The following KTN1 variants were observed in gnomAD, a reference collection of about 807,000 sequenced individuals.
KTN1 encodes the protein kinectin.
Under a neutral mutation model 222.5 loss-of-function variants are expected in KTN1, and 130 were observed. The ratio of observed to expected loss-of-function variants is 0.58; its 90% CI spans 0.51 to 0.68. KTN1 has a LOEUF of 0.68. KTN1 is among the 30% of genes least tolerant of loss of function. The pLI, the probability that KTN1 is intolerant of heterozygous loss-of-function variation, is 0.00. For synonymous variants in KTN1, 512 were observed against 496.3 expected (o/e 1.03, Z -0.42); for missense variants, 1,508 against 1,500.4 (o/e 1.01, Z -0.08).
At chr14:55,641,026 T>C in intron 16 of KTN1, 56 bp downstream of exon 16, 1 of 1,511,654 alleles carries the variant, frequency 6.6e-7, no homozygotes, top group South Asian at 1.1e-5. Context: ...ATTATAATTG[T>C]TGCAGAAAAT....
chr14:55,654,873 C>T (rs756628966), intron 28 of KTN1, among the ~76,000 whole-genome samples: 20 of 152,122 alleles, frequency 1.3e-4, no homozygotes, highest in African/African-American at 3.9e-4. Context: ...CTCCACATCC[C>T]GGCAGCACCC....
In KTN1 at chr14:55,615,038, A is replaced by G. The variant is rs80343699; in HGVS notation, c.524-1479A>G. 2.8e-3 allele frequency among the ~76,000 whole-genome samples: 427 copies of G among 152,340 alleles called. 3 individuals carry two copies. Among genetic ancestry groups the G allele is most frequent in the African/African-American group, 9.8e-3 (407 of 41,580 alleles). On this transcript the variant is annotated intron_variant, in intron 2 of 43. Transcript: ENST00000395314. ...GGGAGTAGATAGCTCATCCAAGGGA[A>G]GTATTTTAATTGAAGCCCCAACCCT... is the stretch of plus-strand genomic sequence containing the variant.
chr14:55,634,760 T>C, intron 9 of KTN1, 102 bp downstream of exon 9: 1 of 977,920 alleles, frequency 1.0e-6, no homozygotes, highest in Non-Finnish European at 1.4e-6. Context: ...GGTAAATTTT[T>C]AAGGAAAGAG....
chr14:55,659,844 A>G lies in KTN1; in HGVS notation c.2999+141A>G, dbSNP rs2043918438. 1.2e-5 allele frequency: 7 copies of G among 567,854 alleles called. No homozygotes were observed. In the Admixed American group the frequency reaches 2.3e-4, roughly 19 times the overall value. 35.2% of individuals were successfully genotyped at this position (567,854 alleles called of 1,614,324 possible). On this transcript the variant is annotated intron_variant, in intron 31 of 43. Transcript: ENST00000395314. The stretch of plus-strand genomic sequence containing the variant: ...ATTTGGATATCTTGAATTGCAGTTT[A>G]GAGTTGAGTAGTACCTTTGGCTAAG...
At chr14:55,600,715 A>C (rs2035848439) in intron 1 of KTN1, among the ~76,000 whole-genome samples, 1 of 151,766 alleles carries the variant, frequency 6.6e-6, no homozygotes, top group African/African-American at 2.4e-5. Flanking sequence ...TTACGGTATG[A>C]ATTTCATGTT....
intron 4 of KTN1, among the ~76,000 whole-genome samples, chr14:55,618,677 G>A (rs2038729103): frequency 6.6e-6 from 1 of 152,170 alleles, no homozygotes; most frequent in Non-Finnish European, 1.5e-5. Flanking sequence ...GGTGCTTGAT[G>A]CATGGATTTT....
intron 32 of KTN1, chr14:55,662,919 G>A (rs1242293289): frequency 4.4e-6 from 2 of 450,376 alleles, no homozygotes; most frequent in South Asian, 3.1e-5. Context: ...GCATGGTAAT[G>A]CAGCAGCAGC....
At chr14:55,663,203 G>C (rs554425656) in intron 32 of KTN1, 21 of 203,726 alleles carry the variant, frequency 1.0e-4, no homozygotes, top group Non-Finnish European at 1.2e-4. Context: ...TTTATTTTTC[G>C]TTGTTGGTTT....
Position 55,619,311 on chromosome 14 carries a change from A to G in KTN1, c.962A>G (p.Lys321Arg). 6.2e-7 allele frequency: 1 copy of G among 1,613,162 alleles called. No individual in the cohort carries two copies. Among genetic ancestry groups the G allele is most frequent in the South Asian group, 1.1e-5 (1 of 91,010 alleles). ...GGTGTAATACAAGATGCTTTAAAGA[A>G]GGTAAGCGTGTTTTTTGATTATGGG... The part of the protein sequence containing the change: ...KSGVIQDALK[K>R]SSKGELTTLI... Residue 321 changes from lysine to arginine, a missense_variant and splice_region_variant, in exon 5 of 44, where the codon AAG becomes AGG. By Grantham distance (26) the Lys-to-Arg change is conservative. Coordinates refer to ENST00000395314, the MANE Select transcript of KTN1 (RefSeq NM_001079521.2).
intron 29 of KTN1, 177 bp downstream of exon 29, chr14:55,656,309 T>C (rs554491080): frequency 1.7e-6 from 1 of 571,480 alleles, no homozygotes; most frequent in African/African-American, 1.9e-5. Flanking sequence ...AATGTGTGTA[T>C]GTATGTATAC....
At chr14:55,608,899 G>C (rs2037145535) in intron 1 of KTN1, among the ~76,000 whole-genome samples, 3 of 151,884 alleles carry the variant, frequency 2.0e-5, no homozygotes, top group South Asian at 2.1e-4. Context: ...CAAAGTGCTG[G>C]GATTACAGGC....
At chr14:55,582,893 G>C (rs111558946) in intron 1 of KTN1, among the ~76,000 whole-genome samples, 1 of 152,148 alleles carries the variant, frequency 6.6e-6, no homozygotes, top group Admixed American at 6.5e-5. Context: ...TAAATCCAGA[G>C]TATACTTAGA....
intron 42 of KTN1, chr14:55,679,217 G>T: frequency 4.5e-6 from 1 of 221,708 alleles, no homozygotes; most frequent in Non-Finnish European, 8.8e-6. Flanking sequence ...CTCAGTATAT[G>T]TTAACTTTTT....
In KTN1 at chr14:55,612,351, A is replaced by G. The variant is rs1594834471; in HGVS notation, c.303A>G (p.Pro101=). ...AAGATGATCAAGTTGCACCTGTTCCATTGAATGTCGTTGAAACTTCAAGTA... is the reference window on the plus strand; with the variant it reads ...AAGATGATCAAGTTGCACCTGTTCCGTTGAATGTCGTTGAAACTTCAAGTA... ...AVEDDQVAPV[P]LNVVETSSSV... Residue 101 remains proline (P), a synonymous_variant, in exon 2 of 44, where the codon CCA becomes CCG. Coordinates refer to ENST00000395314, the MANE Select transcript of KTN1 (RefSeq NM_001079521.2). 1.2e-6 allele frequency: 2 copies of G among 1,614,118 alleles called. No individual in the cohort carries two copies. Among genetic ancestry groups the G allele is most frequent in the African/African-American group, 1.3e-5 (1 of 75,062 alleles).
chr14:55,627,909 C>G lies in KTN1; in HGVS notation c.964-3C>G. On this transcript the variant is annotated splice_polypyrimidine_tract_variant and splice_region_variant and intron_variant, in intron 5 of 43. Coordinates refer to ENST00000395314, the MANE Select transcript of KTN1 (RefSeq NM_001079521.2). Reference sequence around the variant, plus strand: ...TAATTCTGCATTGCTTTCTCAATTGCAGTCAAGTAAGGGAGAATTGACTAC... The same window carrying G: ...TAATTCTGCATTGCTTTCTCAATTGGAGTCAAGTAAGGGAGAATTGACTAC... The G allele has an allele frequency of 6.5e-7, 1 of 1,539,896 alleles. No homozygotes were observed. Among genetic ancestry groups the G allele is most frequent in the Non-Finnish European group, 9.0e-7 (1 of 1,114,422 alleles).
chr14:55,606,475 T>C (rs763865275), intron 1 of KTN1, among the ~76,000 whole-genome samples: 1 of 152,190 alleles, frequency 6.6e-6, no homozygotes, highest in Non-Finnish European at 1.5e-5. Context: ...CCCCAGCTGA[T>C]AAAATTGTGT....
At chr14:55,677,844 A>G (rs1168294549) in intron 41 of KTN1, among the ~76,000 whole-genome samples, 4 of 152,130 alleles carry the variant, frequency 2.6e-5, no homozygotes, top group Non-Finnish European at 5.9e-5. Context: ...GATTACAGGC[A>G]TGTGCCACCA....
At chr14:55,597,782 A>G (rs1594755703) in intron 1 of KTN1, among the ~76,000 whole-genome samples, 1 of 151,914 alleles carries the variant, frequency 6.6e-6, no homozygotes, top group African/African-American at 2.4e-5. Context: ...TGAGCCCGGG[A>G]GGGGGAGGAT....
At chr14:55,639,036 T>A (rs913387457) in intron 12 of KTN1, 149 bp from the exon 13 acceptor site, 1 of 516,240 alleles carries the variant, frequency 1.9e-6, no homozygotes, top group African/African-American at 1.9e-5. Flanking sequence ...TGATAGTTAC[T>A]CTTTATTGAA....
Sources: allele counts gnomAD v4.1 joint callset (sites outside exome capture counted in the v4.1 genomes callset), GRCh38; gene constraint gnomAD v4.1.1; transcripts MANE v1.5; gene names NCBI Gene and HGNC (gene_info 2026-07-23, HGNC 2026-07-21).